PTPRT: variants seen among roughly 807,000 people sequenced by gnomAD.
PTPRT encodes protein tyrosine phosphatase receptor type T.
PTPRT carries 56 observed loss-of-function variants against 176.8 expected under a neutral mutation model. That is an observed-to-expected ratio of 0.32 (90% confidence interval 0.26 to 0.40). PTPRT has a LOEUF of 0.40. Ranked by LOEUF, PTPRT falls within the 10% of genes least tolerant of loss-of-function variation. The pLI is 1.00. For missense variants in PTPRT, 1,540 were observed against 1,908.2 expected, an observed-to-expected ratio of 0.81 and a Z score of 3.60; for synonymous variants, 783 against 739.0, an observed-to-expected ratio of 1.06 and a Z score of -0.96.
intron 6 of PTPRT, among the ~76,000 whole-genome samples, chr20:42,716,840 G>A (rs965658442): frequency 6.6e-6 from 1 of 152,100 alleles, no homozygotes; most frequent in African/African-American, 2.4e-5. Context: ...TATACACCAT[G>A]GAATACTATG....
intron 7 of PTPRT, among the ~76,000 whole-genome samples, chr20:42,481,743 C>T (rs964319412): frequency 2.0e-5 from 3 of 150,272 alleles, no homozygotes; most frequent in African/African-American, 4.9e-5. Context: ...AGAGCAAGAC[C>T]GTGTCTCTAA....
At chr20:42,576,860 T>C (rs1018486351) in intron 7 of PTPRT, among the ~76,000 whole-genome samples, 1 of 152,134 alleles carries the variant, frequency 6.6e-6, no homozygotes, top group Non-Finnish European at 1.5e-5. Context: ...TCCCAAGGGG[T>C]TTCTGCCCCT....
At chr20:42,493,004 A>G (rs946652475) in intron 7 of PTPRT, among the ~76,000 whole-genome samples, 4 of 152,162 alleles carry the variant, frequency 2.6e-5, no homozygotes, top group African/African-American at 9.7e-5. Context: ...GCTTCAATAG[A>G]TTGATTCCCT....
intron 13 of PTPRT, among the ~76,000 whole-genome samples, chr20:42,277,884 T>TCATC (rs60397646): frequency 0.41 from 57,758 of 139,468 alleles, 12,331 homozygotes; most frequent in East Asian, 0.44. Flanking sequence ...AGTCATCCAC[T>TCATC]CATCCATCCA....
chr20:42,228,274 AC>A (rs1185689504), intron 15 of PTPRT, among the ~76,000 whole-genome samples: 1 of 152,224 alleles, frequency 6.6e-6, no homozygotes, highest in African/African-American at 2.4e-5. Flanking sequence ...AAATATAAAC[AC>A]CTTTTGCCAC....
At chr20:42,265,479 T>C (rs2056823542) in intron 13 of PTPRT, among the ~76,000 whole-genome samples, 1 of 152,234 alleles carries the variant, frequency 6.6e-6, no homozygotes, top group Non-Finnish European at 1.5e-5. Context: ...GTATGTAACA[T>C]ACTTGCTGTT....
intron 15 of PTPRT, among the ~76,000 whole-genome samples, chr20:42,219,212 A>G (rs922790426): frequency 6.6e-6 from 1 of 152,190 alleles, no homozygotes; most frequent in African/African-American, 2.4e-5. Context: ...TTTAATGTGC[A>G]ATCATAAACT....
At chr20:42,437,938 G>C (rs1200624952) in intron 9 of PTPRT, among the ~76,000 whole-genome samples, 33 of 152,200 alleles carry the variant, frequency 2.2e-4, no homozygotes, top group Non-Finnish European at 1.5e-5. Flanking sequence ...AATTCCAACA[G>C]GGGTAACACG....
chr20:42,969,682 T>C (rs1227722106), intron 1 of PTPRT: 1 of 152,178 alleles, frequency 6.6e-6, no homozygotes, highest in South Asian at 2.1e-4. Flanking sequence ...TACAGACTTA[T>C]TTGGTGCTAA....
chr20:42,611,647 T>C (rs576162671), intron 7 of PTPRT, among the ~76,000 whole-genome samples: 145 of 152,292 alleles, frequency 9.5e-4, no homozygotes, highest in African/African-American at 3.3e-3. Context: ...ATTGCTGAGA[T>C]GGTCAGGAAT....
At chr20:42,611,424 A>G (rs1415722503) in intron 7 of PTPRT, among the ~76,000 whole-genome samples, 2 of 152,188 alleles carry the variant, frequency 1.3e-5, no homozygotes, top group African/African-American at 4.8e-5. Flanking sequence ...CCATAAGGGC[A>G]GGCACTACCA....
intron 1 of PTPRT, among the ~76,000 whole-genome samples, chr20:43,101,018 G>A (rs2012374976): frequency 6.6e-6 from 1 of 152,090 alleles, no homozygotes; most frequent in Admixed American, 6.5e-5. Context: ...CAGATAATAG[G>A]CACGTTTAAG....
At chr20:42,133,761 T>C (rs1015453289) in intron 18 of PTPRT, among the ~76,000 whole-genome samples, 4 of 152,212 alleles carry the variant, frequency 2.6e-5, no homozygotes, top group Non-Finnish European at 4.4e-5. Flanking sequence ...ATGTTAATAA[T>C]AGGGGAAACA....
At chr20:42,299,443 T>TA (rs1341506583) in intron 12 of PTPRT, among the ~76,000 whole-genome samples, 1 of 152,118 alleles carries the variant, frequency 6.6e-6, no homozygotes, top group Non-Finnish European at 1.5e-5. Flanking sequence ...GAACCCTAGT[T>TA]AGTAGGTTTG....
chr20:42,108,048 G>C (rs1462415590), intron 23 of PTPRT, among the ~76,000 whole-genome samples: 1 of 152,214 alleles, frequency 6.6e-6, no homozygotes, highest in East Asian at 1.9e-4. Context: ...TATAGGGGGG[G>C]TCACTCGTGT....
chr20:42,156,644 C>A (rs1989366541), intron 17 of PTPRT, among the ~76,000 whole-genome samples: 1 of 152,298 alleles, frequency 6.6e-6, no homozygotes, highest in South Asian at 2.1e-4. Context: ...CTTGAGCATC[C>A]CCATTTCCAT....
chr20:42,599,536 A>G (rs1910118001), intron 7 of PTPRT, among the ~76,000 whole-genome samples: 1 of 152,058 alleles, frequency 6.6e-6, no homozygotes, highest in Non-Finnish European at 1.5e-5. Flanking sequence ...CAGGCACTGC[A>G]TAGGCTAAGG....
chr20:42,155,270 C>T lies in PTPRT; in HGVS notation c.2682+6082G>A, dbSNP rs555817964. The stretch of plus-strand genomic sequence containing the variant: ...AAATTGAAGGCCTCTGACTGAGGCT[C>T]AGATCTATCTGGCAGGTGAAGTTAA... On this transcript the variant is annotated intron_variant, in intron 17 of 30. Coordinates refer to ENST00000373187, the MANE Select transcript of PTPRT (RefSeq NM_007050.6). Among the ~76,000 whole-genome samples the T allele has an allele frequency of 3.3e-5, 5 of 152,308 alleles. No individual in the cohort carries two copies. The East Asian group carries it at 9.7e-4, about 29-fold the overall frequency.
chr20:42,735,813 T>C (rs1358322570), intron 6 of PTPRT, among the ~76,000 whole-genome samples: 1 of 151,980 alleles, frequency 6.6e-6, no homozygotes, highest in African/African-American at 2.4e-5. Context: ...ATTTGCTCCG[T>C]TGTGTGCCTG....
Sources: gnomAD v4.1 joint callset for allele counts (sites outside exome capture counted in the v4.1 genomes callset) on GRCh38, gnomAD v4.1.1 for gene constraint, MANE v1.5 for transcripts, NCBI Gene and HGNC (gene_info 2026-07-23, HGNC 2026-07-21) for gene names.